ACSM2B: variants seen among roughly 807,000 people sequenced by gnomAD.
ACSM2B encodes acyl-coenzyme A synthetase ACSM2B, mitochondrial.
In ACSM2B, 58 loss-of-function variants were observed where a neutral mutation model predicts 78.6. The ratio of observed to expected loss-of-function variants is 0.74; its 90% CI spans 0.60 to 0.92. The LOEUF (loss-of-function observed/expected upper bound fraction) is 0.92. ACSM2B is among the 40% of genes least tolerant of loss of function. The pLI, the probability that ACSM2B is intolerant of heterozygous loss-of-function variation, is 0.00. For synonymous variants in ACSM2B, 257 were observed against 256.8 expected, an observed-to-expected ratio of 1.00 and a Z score of -0.01; for missense variants, 688 against 711.2, an observed-to-expected ratio of 0.97 and a Z score of 0.37.
chr16:20,555,357 C>T lies in ACSM2B; in HGVS notation c.508G>A (p.Val170Met), dbSNP rs1460679585. ...GDEVIQEVDTVASECPSLRIK... is the reference protein window; with the variant it reads ...GDEVIQEVDTMASECPSLRIK... Reference sequence around the variant, plus strand: ...CTCAGAGAAGGACATTCAGATGCCACTGTGTCCACTTCTTGGATGACTTCA... The same window carrying T: ...CTCAGAGAAGGACATTCAGATGCCATTGTGTCCACTTCTTGGATGACTTCA... Residue 170 changes from valine (V) to methionine (M), a missense_variant, in exon 4 of 14, where the codon GTG (valine) becomes ATG (methionine). Coordinates refer to ENST00000329697, the MANE Select transcript of ACSM2B (RefSeq NM_001105069.2). 1 of 1,613,976 alleles carries T rather than the reference C, an allele frequency of 6.2e-7. No individual in the cohort carries two copies. The highest frequency in any genetic ancestry group is 8.5e-7 in the Non-Finnish European group (1 of 1,179,860).
intron 1 of ACSM2B, among the ~76,000 whole-genome samples, chr16:20,567,198 AT>A (rs1212124706): frequency 1.5e-5 from 2 of 132,258 alleles, no homozygotes; most frequent in Admixed American, 8.9e-5. Flanking sequence ...ATATTATACT[AT>A]TATATTATAT....
intron 3 of ACSM2B, 23 bp from the exon 4 acceptor site, chr16:20,555,499 G>A (rs1447109453): frequency 6.2e-7 from 1 of 1,610,738 alleles, no homozygotes; most frequent in Non-Finnish European, 8.5e-7. Flanking sequence ...ACAATTTAGA[G>A]AATTGGAAAG....
In ACSM2B at chr16:20,560,083, G is replaced by A. The variant is rs1391876426; in HGVS notation, c.178-636C>T. On this transcript the variant is annotated intron_variant, in intron 2 of 13. Transcript: ENST00000329697. The stretch of plus-strand genomic sequence containing the variant: ...CAGTGGCATTAAGTACATTCTCATT[G>A]TTATGCAACAATCACCACCATCCAT... Among the ~76,000 whole-genome samples, 26 of 150,712 alleles carry A rather than the reference G, an allele frequency of 1.7e-4. 1 individual carries two copies. The highest frequency in any genetic ancestry group is 2.9e-5 in the Non-Finnish European group (2 of 67,964).
At chr16:20,552,116 A>G in intron 6 of ACSM2B, 28 bp downstream of exon 6, 2 of 1,569,760 alleles carry the variant, frequency 1.3e-6, no homozygotes, top group Non-Finnish European at 8.6e-7. Flanking sequence ...CACTCTGAAT[A>G]ACTGCTGCAA....
chr16:20,566,421 G>T (rs1313481076), intron 1 of ACSM2B, among the ~76,000 whole-genome samples: 3 of 124,696 alleles, frequency 2.4e-5, no homozygotes, highest in African/African-American at 9.1e-5. Context: ...TCATATATGG[G>T]TATTATACAT....
chr16:20,564,818 G>A lies in ACSM2B; in HGVS notation c.28C>T (p.Leu10Phe). Residue 10 changes from leucine (L) to phenylalanine (F), a missense_variant, in exon 2 of 14, where the codon CTT becomes TTT. Physicochemically the swap from Leu to Phe is conservative, Grantham distance 22. Coordinates refer to ENST00000329697, the MANE Select transcript of ACSM2B (RefSeq NM_001105069.2). MHWLRKVQG[L>F]CTLWGTQMSS... ...ATCTGAGTACCCCACAGGGTGCAAA[G>A]TCCCTGAACTTTTCGCAGCCAATGC... is the stretch of plus-strand genomic sequence containing the variant. The A allele has an allele frequency of 6.2e-6, 10 of 1,611,390 alleles. No individual in the cohort carries two copies. The highest frequency in any genetic ancestry group is 8.5e-6 in the Non-Finnish European group (10 of 1,178,386).
chr16:20,555,121 T>C, intron 4 of ACSM2B, 148 bp downstream of exon 4: 1 of 1,288,886 alleles, frequency 7.8e-7, no homozygotes, highest in Admixed American at 2.4e-5. Context: ...AAAAAAACCC[T>C]TGTATTAGCT....
chr16:20,539,001 T>C (rs2014918787), intron 13 of ACSM2B, among the ~76,000 whole-genome samples: 3 of 152,106 alleles, frequency 2.0e-5, no homozygotes, highest in African/African-American at 7.2e-5. Flanking sequence ...GTCACACTCC[T>C]TCCCAGGGCA....
intron 6 of ACSM2B, among the ~76,000 whole-genome samples, chr16:20,548,910 AT>A (rs1391332376): frequency 6.6e-6 from 1 of 152,148 alleles, no homozygotes; most frequent in Admixed American, 6.5e-5. Flanking sequence ...TCCTGAAAAT[AT>A]TTTTGGGATA....
At chr16:20,547,364 A>C (rs1187549716) in intron 8 of ACSM2B, 2 of 984,980 alleles carry the variant, frequency 2.0e-6, no homozygotes, top group African/African-American at 3.5e-5. Context: ...TGCCATCAAC[A>C]CTCTGCAAAA....
rs542222004 is a variant in ACSM2B, at chr16:20,541,027, C to T, written c.1510-254G>A. 5 of 319,748 alleles carry T rather than the reference C, an allele frequency of 1.6e-5. No homozygotes were observed. The South Asian group carries it at 4.1e-4, about 26-fold the overall frequency. 19.8% of individuals were successfully genotyped at this position (319,748 alleles called of 1,614,324 possible). A position where few individuals can be genotyped will look rare whatever the true frequency, so the allele number is the denominator to read the frequency against. ...CCTCATGCTCCAAGGACAACAGAGA[C>T]AGATGAGGAGAAAGAAGATACAGGG... On this transcript the variant is annotated intron_variant, in intron 12 of 13. Coordinates refer to ENST00000329697, the MANE Select transcript of ACSM2B (RefSeq NM_001105069.2).
At chr16:20,547,622 T>A (rs2015178613) in intron 8 of ACSM2B, 1 of 1,003,632 alleles carries the variant, frequency 1.0e-6, no homozygotes, top group South Asian at 4.2e-5. Flanking sequence ...CCATGGTGGG[T>A]TCTTCTTCCC....
rs1307257296 is a variant in ACSM2B at position 20,542,948 on chromosome 16, G to C, written c.1475C>G (p.Ala492Gly). ...GACGGGGTCTGGGCTGCTGATCACA[G>C]CCGTCTCAACCACAGCAGGGTGCTT... ...LMKHPAVVETAVISSPDPVRG... is the reference protein window; with the variant it reads ...LMKHPAVVETGVISSPDPVRG... Residue 492 changes from alanine (A) to glycine (G), a missense_variant, in exon 12 of 14, where the codon GCT becomes GGT. Physicochemically the swap from Ala to Gly is moderately conservative, Grantham distance 60. Coordinates refer to ENST00000329697, the MANE Select transcript of ACSM2B (RefSeq NM_001105069.2). 3.1e-6 allele frequency: 5 copies of C among 1,613,746 alleles called. No homozygotes were observed. Among genetic ancestry groups the C allele is most frequent in the Non-Finnish European group, 4.2e-6 (5 of 1,179,850 alleles).
chr16:20,538,267 T>C (rs1159506759), intron 13 of ACSM2B, among the ~76,000 whole-genome samples: 2 of 152,152 alleles, frequency 1.3e-5, no homozygotes, highest in African/African-American at 4.8e-5. Flanking sequence ...CAAAACACAA[T>C]GAAATGGAGC....
At chr16:20,573,820 G>A (rs2152155056) in intron 1 of ACSM2B, among the ~76,000 whole-genome samples, 1 of 152,138 alleles carries the variant, frequency 6.6e-6, no homozygotes. Flanking sequence ...GTACGAACAG[G>A]GAGTAGGTCA....
chr16:20,538,512 C>T (rs1299706397), intron 13 of ACSM2B, among the ~76,000 whole-genome samples: 1 of 152,004 alleles, frequency 6.6e-6, no homozygotes, highest in African/African-American at 2.4e-5. Flanking sequence ...AGATTTAATG[C>T]TAAGAAGGAA....
chr16:20,560,817 T>A (rs2152142404), intron 2 of ACSM2B, among the ~76,000 whole-genome samples: 1 of 152,206 alleles, frequency 6.6e-6, no homozygotes, highest in East Asian at 1.9e-4. Flanking sequence ...GTGAACAAAA[T>A]GCTGATAGAA....
chr16:20,542,950 C>T lies in ACSM2B; in HGVS notation c.1473G>A (p.Thr491=), dbSNP rs575254505. The change falls in exon 12 of 14, where the codon ACG becomes ACA. Residue 491 remains threonine, a synonymous_variant. Transcript: ENST00000329697. ...CGGGGTCTGGGCTGCTGATCACAGC[C>T]GTCTCAACCACAGCAGGGTGCTTCA... ...ALMKHPAVVE[T]AVISSPDPVR... The T allele has an allele frequency of 1.8e-5, 29 of 1,613,702 alleles. No individual in the cohort carries two copies. Among genetic ancestry groups the T allele is most frequent in the Middle Eastern group, 1.7e-4 (1 of 6,056 alleles).
In ACSM2B at chr16:20,564,653, T is replaced by C. The variant is rs773177563; in HGVS notation, c.177+16A>G. ...ACAAAATTGTCTCACTCTGTGCCTC[T>C]TTTCCATCCCATTACCTTCTCCATG... On this transcript the variant is annotated intron_variant, in intron 2 of 13. Transcript: ENST00000329697. The C allele has an allele frequency of 2.4e-5, 38 of 1,613,336 alleles. No individual in the cohort carries two copies. The highest frequency in any genetic ancestry group is 2.5e-5 in the Non-Finnish European group (30 of 1,179,678).
Sources: allele counts gnomAD v4.1 joint callset (sites outside exome capture counted in the v4.1 genomes callset), GRCh38; gene constraint gnomAD v4.1.1; transcripts MANE v1.5; gene names NCBI Gene and HGNC (gene_info 2026-07-23, HGNC 2026-07-21).